Variants in GSDMC observed in about 807,000 individuals in gnomAD.
GSDMC encodes gasdermin C, also known as gasdermin-C.
GSDMC carries 59 observed loss-of-function variants against 58.0 expected under a neutral mutation model. The ratio of observed to expected loss-of-function variants is 1.02; its 90% CI spans 0.82 to 1.26. GSDMC has a LOEUF of 1.26. Ranked by LOEUF, GSDMC falls within the 50% of genes most tolerant of loss-of-function variation. The pLI, the probability that GSDMC is intolerant of heterozygous loss-of-function variation, is 0.00. For missense variants in GSDMC, 659 were observed against 598.5 expected (o/e 1.10, Z -1.06); for synonymous variants, 241 against 220.2 (o/e 1.09, Z -0.83).
chr8:129,730,123 C>A, the GSDMC span: 2,003 of 972,742 alleles, frequency 2.1e-3, no homozygotes, highest in Non-Finnish European at 2.4e-3. Flanking sequence ...TTTCTGAATG[C>A]CAACAAGAGA....
chr8:129,748,851 G>T, intron 13 of GSDMC, 111 bp from the exon 14 acceptor site: 2 of 789,968 alleles, frequency 2.5e-6, no homozygotes, highest in Non-Finnish European at 3.7e-6. Context: ...CAAGAGCTTT[G>T]GGATCCAGCG....
intron 10 of GSDMC, among the ~76,000 whole-genome samples, chr8:129,751,243 C>G (rs2033178108): frequency 6.6e-6 from 1 of 152,190 alleles, no homozygotes; most frequent in Non-Finnish European, 1.5e-5. Context: ...TGGGGGCCCT[C>G]TGTCTCTCCC....
intron 6 of GSDMC, among the ~76,000 whole-genome samples, 197 bp downstream of exon 6, chr8:129,760,348 A>T (rs1329111233): frequency 1.3e-5 from 2 of 152,318 alleles, no homozygotes; most frequent in African/African-American, 2.4e-5. Flanking sequence ...TACATTTTTT[A>T]AAAACTAAAA....
At chr8:129,710,189 A>G in the GSDMC span, among the ~76,000 whole-genome samples, 10 of 152,218 alleles carry the variant, frequency 6.6e-5, no homozygotes, top group Admixed American at 6.5e-4. Flanking sequence ...GGTGAGCATT[A>G]TAGATTTCTT....
At chr8:129,718,449 T>G in the GSDMC span, among the ~76,000 whole-genome samples, 1 of 152,042 alleles carries the variant, frequency 6.6e-6, no homozygotes, top group East Asian at 1.9e-4. Context: ...CACTAGTCAT[T>G]AGAGAAATGC....
chr8:129,751,128 G>C (rs1431479270), intron 10 of GSDMC, among the ~76,000 whole-genome samples: 1 of 152,048 alleles, frequency 6.6e-6, no homozygotes, highest in African/African-American at 2.4e-5. Context: ...GAGAGAGAGA[G>C]AGTTTATGTA....
chr8:129,776,032 A>G, intron 3 of GSDMC, 70 bp downstream of exon 3: 1 of 1,202,464 alleles, frequency 8.3e-7, no homozygotes, highest in Non-Finnish European at 1.2e-6. Flanking sequence ...TGCTAGATGT[A>G]TTTTTGTGTT....
At chr8:129,757,863 A>T (rs758774421) in intron 6 of GSDMC, among the ~76,000 whole-genome samples, 3 of 152,046 alleles carry the variant, frequency 2.0e-5, no homozygotes, top group African/African-American at 4.8e-5. Context: ...ATGGTGACAC[A>T]TGCCTGTAGT....
Position 129,748,687 on chromosome 8 carries a change from G to A in GSDMC, c.1341C>T (p.Thr447=). Residue 447 remains threonine (T), a synonymous_variant, in exon 14 of 14, where the codon ACC becomes ACT. Coordinates refer to ENST00000276708, the MANE Select transcript of GSDMC (RefSeq NM_031415.3). ...NFRYPWSIPF[T]LKPELLAPLQ... ...GTGGGGCGAGGAGCTCAGGTTTGAG[G>A]GTGAAGGGAATGCTCCAGGGGTATC... 1 of 1,601,580 alleles carries A rather than the reference G, an allele frequency of 6.2e-7. No homozygotes were observed. Among genetic ancestry groups the A allele is most frequent in the Non-Finnish European group, 8.5e-7 (1 of 1,174,496 alleles).
intron 3 of GSDMC, 34 bp downstream of exon 3, chr8:129,776,068 G>C: frequency 1.3e-6 from 2 of 1,527,358 alleles, no homozygotes; most frequent in Non-Finnish European, 1.8e-6. Flanking sequence ...CTGGGATACT[G>C]ATGATCCATC....
At chr8:129,781,451 C>T (rs1380342579) in intron 1 of GSDMC, among the ~76,000 whole-genome samples, 2 of 152,158 alleles carry the variant, frequency 1.3e-5, no homozygotes, top group Non-Finnish European at 2.9e-5. Flanking sequence ...GCAATAATAG[C>T]TAGAGACTTC....
At chr8:129,726,999 T>TATACACAC in the GSDMC span, among the ~76,000 whole-genome samples, 144 of 93,050 alleles carry the variant, frequency 1.5e-3, 1 homozygote, top group Admixed American at 3.4e-3. Flanking sequence ...CCAATACACA[T>TATACACAC]ACACACACAC....
rs1267661315 is a variant in GSDMC at position 129,768,985 on chromosome 8, G to C, written c.405-3192C>G. ...CCTAGCTACTCAGGAAGCTGAGGTG[G>C]GAGGATCACTTCAGCCCAGGAGGTA... On this transcript the variant is annotated intron_variant, in intron 3 of 13. Transcript: ENST00000276708. Among the ~76,000 whole-genome samples, 3 of 152,118 alleles carry C rather than the reference G, an allele frequency of 2.0e-5. No individual in the cohort carries two copies. The East Asian group carries it at 5.8e-4, about 29-fold the overall frequency.
At chr8:129,705,835 T>C in the GSDMC span, among the ~76,000 whole-genome samples, 2 of 152,154 alleles carry the variant, frequency 1.3e-5, no homozygotes, top group African/African-American at 4.8e-5. Context: ...TCTTCAAATA[T>C]AGGAAGGGCT....
chr8:129,755,652 A>T (rs1474574663), intron 6 of GSDMC, among the ~76,000 whole-genome samples: 1 of 152,170 alleles, frequency 6.6e-6, no homozygotes, highest in Non-Finnish European at 1.5e-5. Context: ...AAATAACTAC[A>T]ACTTTTCAAG....
rs201817415 is a variant in GSDMC at position 129,748,557 on chromosome 8, G to T, written c.1471C>A (p.Pro491Thr). ...RSTWDVEAKMPLSALYGTLSL... is the reference protein window; with the variant it reads ...RSTWDVEAKMTLSALYGTLSL... ...AGAGTCCCATAGAGGGCAGACAGGG[G>T]CATCTTTGCTTCTACATCCCAGGTT... The change falls in exon 14 of 14, where the codon CCC becomes ACC. Residue 491 changes from proline to threonine, a missense_variant. Physicochemically the swap from Pro to Thr is conservative, Grantham distance 38. Transcript: ENST00000276708. 23 of 1,613,516 alleles carry T rather than the reference G, an allele frequency of 1.4e-5. No homozygotes were observed. Among genetic ancestry groups the T allele is most frequent in the Non-Finnish European group, 1.9e-5 (22 of 1,179,732 alleles).
chr8:129,727,143 G>A, the GSDMC span, among the ~76,000 whole-genome samples: 1 of 152,126 alleles, frequency 6.6e-6, no homozygotes, highest in Non-Finnish European at 1.5e-5. Context: ...CCTTGCAGAT[G>A]TATTTAGCTA....
chr8:129,738,669 G>A, the GSDMC span, among the ~76,000 whole-genome samples: 1 of 152,146 alleles, frequency 6.6e-6, no homozygotes, highest in Non-Finnish European at 1.5e-5. Flanking sequence ...GTGGGGAGCA[G>A]GGGGAGGGAT....
intron 3 of GSDMC, among the ~76,000 whole-genome samples, chr8:129,774,522 C>T (rs990145233): frequency 1.4e-5 from 2 of 138,376 alleles, no homozygotes; most frequent in African/African-American, 5.3e-5. Flanking sequence ...CCAAAAGCAA[C>T]AGCAGCAAAA....
Sources: gnomAD v4.1 joint callset for allele counts (sites outside exome capture counted in the v4.1 genomes callset) on GRCh38, gnomAD v4.1.1 for gene constraint, MANE v1.5 for transcripts, NCBI Gene and HGNC (gene_info 2026-07-23, HGNC 2026-07-21) for gene names.